Variants in ATR observed in about 807,000 individuals in gnomAD.
ATR encodes the protein ATR checkpoint kinase.
Under a neutral mutation model 305.3 loss-of-function variants are expected in ATR, and 142 were observed. The observed-to-expected ratio is 0.47, with a 90% confidence interval of 0.41 to 0.53. ATR has a LOEUF of 0.53. Among genes scored for constraint, ATR ranks in the 20% least tolerant of loss-of-function variants. ATR has a pLI of 0.00. For synonymous variants in ATR, 1,050 were observed against 1,068.1 expected (o/e 0.98, Z 0.33); for missense variants, 2,135 against 3,133.1 (o/e 0.68, Z 7.60).
chr3:142,530,647 G>A (rs2033603344), intron 21 of ATR, among the ~76,000 whole-genome samples: 1 of 152,010 alleles, frequency 6.6e-6, no homozygotes, highest in Non-Finnish European at 1.5e-5. Context: ...CTGGTAGCAG[G>A]GGGAGGATTT....
Position 142,553,650 on chromosome 3 carries a change from C to A in ATR, c.2623G>T (p.Asp875Tyr). 1 of 1,606,412 alleles carries A rather than the reference C, an allele frequency of 6.2e-7. No individual in the cohort carries two copies. ...LKDTLILTTG[D>Y]IGRAAKGDLV... ...TGCTGCCAAGTATACCTTCCAATAT[C>A]CCCTGTTGTAAGAATCAAGGTATCC... is the stretch of plus-strand genomic sequence containing the variant. Residue 875 changes from aspartate to tyrosine, a missense_variant, in exon 12 of 47, where the codon GAT (aspartate) becomes TAT (tyrosine). By Grantham distance (160) the Asp-to-Tyr change is radical. Coordinates refer to ENST00000350721, the MANE Select transcript of ATR (RefSeq NM_001184.4).
intron 19 of ATR, among the ~76,000 whole-genome samples, chr3:142,537,226 T>C (rs557500163): frequency 3.6e-5 from 5 of 137,648 alleles, no homozygotes; most frequent in African/African-American, 1.1e-4. Flanking sequence ...GTAGCTAGGA[T>C]TACAGGCTCT....
intron 46 of ATR, chr3:142,451,907 G>T: frequency 7.7e-7 from 1 of 1,297,702 alleles, no homozygotes. Flanking sequence ...TCAGATATTG[G>T]AATCCCTCAG....
intron 10 of ATR, among the ~76,000 whole-genome samples, chr3:142,555,320 T>C (rs995827519): frequency 9.5e-6 from 1 of 104,908 alleles, no homozygotes; most frequent in Non-Finnish European, 2.4e-5. Flanking sequence ...TTACAAGATT[T>C]AGGGAGTACT....
At chr3:142,558,184 A>T (rs2034738337) in intron 8 of ATR, among the ~76,000 whole-genome samples, 1 of 152,104 alleles carries the variant, frequency 6.6e-6, no homozygotes, top group Non-Finnish European at 1.5e-5. Context: ...TTATTGAAAA[A>T]AATATAAATA....
intron 27 of ATR, among the ~76,000 whole-genome samples, chr3:142,511,510 G>T (rs1469391108): frequency 6.6e-6 from 1 of 151,850 alleles, no homozygotes; most frequent in Non-Finnish European, 1.5e-5. Context: ...ACAAAAATTA[G>T]CTGGCCATGG....
At chr3:142,507,529 T>C (rs2108360427) in intron 28 of ATR, among the ~76,000 whole-genome samples, 1 of 152,362 alleles carries the variant, frequency 6.6e-6, no homozygotes, top group South Asian at 2.1e-4. Context: ...AAGTCTTCTA[T>C]TATTTGTGAT....
chr3:142,538,727 T>C (rs1488425669), intron 18 of ATR, 102 bp from the exon 19 acceptor site: 3 of 1,426,712 alleles, frequency 2.1e-6, no homozygotes, highest in Admixed American at 1.9e-5. Context: ...ATACAAACAA[T>C]AGATTAAAAG....
At chr3:142,539,286 T>G (rs536722256) in intron 18 of ATR, among the ~76,000 whole-genome samples, 20 of 152,174 alleles carry the variant, frequency 1.3e-4, no homozygotes, top group Admixed American at 9.2e-4. Flanking sequence ...CTTGAAGAAA[T>G]CACTAATTTT....
In ATR at chr3:142,560,346, A is replaced by C; in HGVS notation, c.1458T>G (p.Val486=). The C allele has an allele frequency of 6.2e-7, 1 of 1,613,866 alleles. No individual in the cohort carries two copies. Among genetic ancestry groups the C allele is most frequent in the Non-Finnish European group, 8.5e-7 (1 of 1,179,852 alleles). ...CAGCAATTCCTTCTAACATCTCAAT[A>C]ACAGGATTCTTTAGGCCACTGTATT... ...SLEYSGLKNP[V]IEMLEGIAVV... Residue 486 remains valine (V), a synonymous_variant, in exon 6 of 47, where the codon GTT becomes GTG. Transcript: ENST00000350721.
At chr3:142,557,350 G>A (rs993301567) in intron 8 of ATR, among the ~76,000 whole-genome samples, 1 of 151,908 alleles carries the variant, frequency 6.6e-6, no homozygotes, top group African/African-American at 2.4e-5. Flanking sequence ...GTGAAAAGTT[G>A]GAAACAACTT....
chr3:142,514,983 C>A (rs1485837137), intron 25 of ATR, among the ~76,000 whole-genome samples: 1 of 151,562 alleles, frequency 6.6e-6, no homozygotes, highest in Non-Finnish European at 1.5e-5. Context: ...TTGTAAAAAT[C>A]TTTATTTTTA....
chr3:142,515,662 G>A (rs2032829108), intron 24 of ATR, 147 bp from the exon 25 acceptor site: 1 of 862,780 alleles, frequency 1.2e-6, no homozygotes, highest in African/African-American at 1.7e-5. Flanking sequence ...CCTTCTTAGG[G>A]GTGAAGTAGG....
chr3:142,553,129 A>G, intron 13 of ATR, 98 bp downstream of exon 13: 11 of 1,442,868 alleles, frequency 7.6e-6, no homozygotes, highest in Non-Finnish European at 1.0e-5. Flanking sequence ...AGAAAAAAGA[A>G]AAGCAAGCAA....
intron 38 of ATR, 87 bp from the exon 39 acceptor site, chr3:142,468,155 A>G (rs2071174956): frequency 2.0e-6 from 3 of 1,480,244 alleles, no homozygotes; most frequent in Non-Finnish European, 1.9e-6. Context: ...AAAAACTTAA[A>G]AAGTATTCAT....
chr3:142,538,349 C>T (rs374373931), intron 19 of ATR, 133 bp downstream of exon 19: 2 of 915,654 alleles, frequency 2.2e-6, no homozygotes, highest in East Asian at 2.7e-5. Context: ...TAATTACATG[C>T]CAATTACTTT....
intron 10 of ATR, 25 bp from the exon 11 acceptor site, chr3:142,554,040 C>T (rs2108466314): frequency 6.5e-7 from 1 of 1,543,502 alleles, no homozygotes; most frequent in African/African-American, 1.4e-5. Context: ...TATACAATAC[C>T]TAATTTAACA....
rs1038973468 is a variant in ATR at position 142,493,225 on chromosome 3, G to C, written c.5985C>G (p.Asn1995Lys). 6.2e-7 allele frequency: 1 copy of C among 1,613,890 alleles called. No individual in the cohort carries two copies. Among genetic ancestry groups the C allele is most frequent in the African/African-American group, 1.3e-5 (1 of 75,012 alleles). ...GCATAGCTCGACCATGGATTAACAT[G>C]TTCTTACCCTCAGGTGGGGTTTCAT... is the stretch of plus-strand genomic sequence containing the variant. Reference protein sequence around the residue: ...PENETPPEGKNMLIHGRAMLL... With the variant: ...PENETPPEGKKMLIHGRAMLL... The change falls in exon 35 of 47, where the codon AAC becomes AAG. Residue 1995 changes from asparagine to lysine, a missense_variant. By Grantham distance (94) the Asn-to-Lys change is moderately conservative (BLOSUM62 0). Around this residue, in one of 9 missense-constraint regions of ATR, gnomAD observed 462 missense variants for 887.6 expected, o/e 0.52. Coordinates refer to ENST00000350721, the MANE Select transcript of ATR (RefSeq NM_001184.4).
At chr3:142,464,079 A>G (rs78790280) in intron 41 of ATR, among the ~76,000 whole-genome samples, 13,458 of 152,232 alleles carry the variant, frequency 0.088, 2,016 homozygotes, top group African/African-American at 0.31. Context: ...ATAGAAATCA[A>G]ATACCAACAG....
Sources: gnomAD v4.1 joint callset for allele counts (sites outside exome capture counted in the v4.1 genomes callset) on GRCh38, gnomAD v4.1.1 for gene constraint, gnomAD v4.1.1 regional missense constraint, MANE v1.5 for transcripts, NCBI Gene and HGNC (gene_info 2026-07-23, HGNC 2026-07-21) for gene names.